Variants in SPECC1L observed in about 807,000 individuals in gnomAD.
The protein encoded by SPECC1L is cytospin-A.
In SPECC1L, 40 loss-of-function variants were observed where a neutral mutation model predicts 116.8. The observed-to-expected ratio is 0.34, with a 90% CI of 0.27 to 0.45. The LOEUF (loss-of-function observed/expected upper bound fraction) is 0.45, where lower values mean the gene tolerates loss of function less well. SPECC1L is among the 20% of genes least tolerant of loss of function. The probability of loss-of-function intolerance (pLI) is 1.00; values close to 1 mark genes in which losing one functional copy is unlikely to be tolerated. For synonymous variants in SPECC1L, 504 were observed against 500.6 expected (o/e 1.01, Z -0.09); for missense variants, 1,110 against 1,373.6 (o/e 0.81, Z 3.03).
intron 2 of SPECC1L, among the ~76,000 whole-genome samples, chr22:24,298,554 G>A (rs1294456803): frequency 6.6e-6 from 1 of 152,212 alleles, no homozygotes; most frequent in African/African-American, 2.4e-5. Flanking sequence ...GAAAGCTGAT[G>A]GTGTCATTCT....
chr22:24,327,381 CA>C (rs575663023), intron 6 of SPECC1L, among the ~76,000 whole-genome samples: 173 of 146,996 alleles, frequency 1.2e-3, no homozygotes, highest in African/African-American at 4.2e-3. Context: ...TCTAGTGGAA[CA>C]GGGGTAAAGA....
At chr22:24,307,271 A>T (rs2049518650) in intron 3 of SPECC1L, among the ~76,000 whole-genome samples, 1 of 152,228 alleles carries the variant, frequency 6.6e-6, no homozygotes, top group African/African-American at 2.4e-5. Context: ...GCAGTACATA[A>T]GGGTTCCAAT....
chr22:24,327,027 C>T (rs1479181411), intron 6 of SPECC1L, among the ~76,000 whole-genome samples: 2 of 151,942 alleles, frequency 1.3e-5, no homozygotes, highest in African/African-American at 4.8e-5. Flanking sequence ...TGCTTGTAAT[C>T]CTAGCACTTT....
chr22:24,401,022 G>A (rs1601352062), intron 14 of SPECC1L, among the ~76,000 whole-genome samples: 1 of 152,082 alleles, frequency 6.6e-6, no homozygotes, highest in Admixed American at 6.6e-5. Context: ...TAGCCCTAGC[G>A]ACAAGATATC....
At chr22:24,311,804 C>CAAAAAAAA (rs915422222) in intron 3 of SPECC1L, among the ~76,000 whole-genome samples, 1 of 46,564 alleles carries the variant, frequency 2.1e-5, no homozygotes, top group Non-Finnish European at 5.0e-5. Flanking sequence ...GACTTTGTCT[C>CAAAAAAAA]AAAAAAAAAA....
rs539658116 is a variant in SPECC1L at position 24,373,472 on chromosome 22, A to G, written c.3087+4152A>G. Among the ~76,000 whole-genome samples, 15 of 152,102 alleles carry G rather than the reference A, an allele frequency of 9.9e-5. No homozygotes were observed. In the East Asian group the frequency reaches 1.2e-3, roughly 12 times the overall value. The stretch of plus-strand genomic sequence containing the variant: ...ACAGAGCCCTCAGAAATAATGCTGC[A>G]TATCTACAACCATCTGATCTTTGAC... On this transcript the variant is annotated intron_variant, in intron 14 of 16. Transcript: ENST00000314328.
chr22:24,410,653 G>A (rs1169788016), intron 14 of SPECC1L, among the ~76,000 whole-genome samples: 2 of 152,150 alleles, frequency 1.3e-5, no homozygotes, highest in Admixed American at 1.3e-4. Flanking sequence ...TTTGTGGTGG[G>A]GTACACTATA....
At chr22:24,378,884 A>T (rs1407121092) in intron 14 of SPECC1L, among the ~76,000 whole-genome samples, 1 of 152,192 alleles carries the variant, frequency 6.6e-6, no homozygotes, top group Non-Finnish European at 1.5e-5. Flanking sequence ...AAGAATTACC[A>T]AACTTGACCC....
intron 1 of SPECC1L, among the ~76,000 whole-genome samples, chr22:24,272,572 C>T (rs1027714305): frequency 6.6e-6 from 1 of 151,692 alleles, no homozygotes; most frequent in African/African-American, 2.4e-5. Context: ...GCTCGGGAGG[C>T]CGAGACAGGA....
intron 14 of SPECC1L, among the ~76,000 whole-genome samples, chr22:24,409,720 A>T (rs2042656014): frequency 6.6e-6 from 1 of 152,242 alleles, no homozygotes; most frequent in South Asian, 2.1e-4. Flanking sequence ...AAAATATGGA[A>T]TAAGGTGCCC....
At chr22:24,366,319 G>T (rs1201465384) in intron 13 of SPECC1L, among the ~76,000 whole-genome samples, 1 of 151,828 alleles carries the variant, frequency 6.6e-6, no homozygotes, top group Non-Finnish European at 1.5e-5. Context: ...TCAGCCTCCC[G>T]AGTAGCTGGG....
chr22:24,379,636 A>G (rs2042028928), intron 14 of SPECC1L, among the ~76,000 whole-genome samples: 1 of 152,186 alleles, frequency 6.6e-6, no homozygotes, highest in Admixed American at 6.5e-5. Flanking sequence ...ACATTAGGAA[A>G]ATTCTTTTTG....
chr22:24,313,583 T>TG, intron 4 of SPECC1L, 117 bp downstream of exon 4: 8 of 1,211,160 alleles, frequency 6.6e-6, no homozygotes, highest in Non-Finnish European at 9.6e-6. Context: ...CAAAAGTAGA[T>TG]GGATTGATAT....
chr22:24,381,387 G>A (rs1457237544), intron 14 of SPECC1L, among the ~76,000 whole-genome samples: 1 of 152,140 alleles, frequency 6.6e-6, no homozygotes, highest in East Asian at 1.9e-4. Context: ...TGCTGCCTGA[G>A]GTAATTTAAT....
At chr22:24,359,005 T>C (rs1432489852) in intron 11 of SPECC1L, among the ~76,000 whole-genome samples, 1 of 152,228 alleles carries the variant, frequency 6.6e-6, no homozygotes, top group Non-Finnish European at 1.5e-5. Context: ...CCTTATGCTC[T>C]TGATGGTTTA....
At chr22:24,280,020 C>G (rs1262042474) in intron 2 of SPECC1L, among the ~76,000 whole-genome samples, 1 of 152,166 alleles carries the variant, frequency 6.6e-6, no homozygotes, top group Admixed American at 6.5e-5. Flanking sequence ...GAATTGATGT[C>G]TAAAGGATGA....
intron 11 of SPECC1L, among the ~76,000 whole-genome samples, chr22:24,347,697 C>T (rs897244023): frequency 1.3e-5 from 2 of 151,852 alleles, no homozygotes; most frequent in African/African-American, 2.4e-5. Flanking sequence ...TTTTTTTAAG[C>T]TGGAGTATCA....
chr22:24,414,630 C>T lies in SPECC1L; in HGVS notation c.*7C>T, dbSNP rs73169806. On this transcript the variant is annotated 3_prime_UTR_variant, in exon 17 of 17. Transcript: ENST00000314328. The stretch of plus-strand genomic sequence containing the variant: ...CAAGTACTTTGAGACCTGAGCATGC[C>T]GGGAGGAGCCGCCCCAATAGCGGGG... The T allele has an allele frequency of 1.1e-3, 1,786 of 1,613,076 alleles. 1 individual carries two copies. Among genetic ancestry groups the T allele is most frequent in the Non-Finnish European group, 1.4e-3 (1,682 of 1,179,534 alleles).
chr22:24,411,551 CA>C (rs775679326), intron 14 of SPECC1L, 36 bp from the exon 15 acceptor site: 2 of 1,575,584 alleles, frequency 1.3e-6, no homozygotes, highest in Non-Finnish European at 1.7e-6. Flanking sequence ...AGGGTCCCAG[CA>C]TGTGTTGGTT....
Sources: allele counts gnomAD v4.1 joint callset (sites outside exome capture counted in the v4.1 genomes callset), GRCh38; gene constraint gnomAD v4.1.1; transcripts MANE v1.5; gene names NCBI Gene and HGNC (gene_info 2026-07-23, HGNC 2026-07-21).